The following SPAG16 variants were observed in gnomAD, a reference collection of about 807,000 sequenced individuals.
The protein encoded by SPAG16 is sperm-associated antigen 16 protein.
SPAG16 carries 86 observed loss-of-function variants against 80.4 expected under a neutral mutation model. The observed-to-expected ratio is 1.07, with a 90% CI of 0.90 to 1.28. SPAG16 has a LOEUF of 1.28. SPAG16 is among the 50% of genes most tolerant of loss of function. The probability of loss-of-function intolerance (pLI) is 0.00; values close to 1 mark genes in which losing one functional copy is unlikely to be tolerated. For synonymous variants in SPAG16, 294 were observed against 265.9 expected, an observed-to-expected ratio of 1.11 and a Z score of -1.03; for missense variants, 870 against 765.3, an observed-to-expected ratio of 1.14 and a Z score of -1.61.
intron 15 of SPAG16, among the ~76,000 whole-genome samples, chr2:214,286,251 C>T (rs1010795542): frequency 3.3e-5 from 5 of 152,144 alleles, no homozygotes; most frequent in Admixed American, 1.3e-4. Context: ...GGAGATCTAA[C>T]GTACAACAAT....
chr2:213,930,389 A>C (rs2106246848), intron 12 of SPAG16, among the ~76,000 whole-genome samples: 1 of 152,324 alleles, frequency 6.6e-6, no homozygotes, highest in South Asian at 2.1e-4. Context: ...CTATGTAATA[A>C]GATTAGAATT....
intron 10 of SPAG16, among the ~76,000 whole-genome samples, chr2:213,775,580 T>G (rs1035067272): frequency 1.3e-5 from 2 of 152,218 alleles, no homozygotes; most frequent in African/African-American, 4.8e-5. Context: ...TCAGGACTTA[T>G]TCATCTTACA....
chr2:213,436,000 G>A (rs7588433), intron 9 of SPAG16, among the ~76,000 whole-genome samples: 13,868 of 152,046 alleles, frequency 0.091, 1,613 homozygotes, highest in African/African-American at 0.27. Flanking sequence ...ATATTACTTA[G>A]ATGTCTTTTA....
intron 12 of SPAG16, among the ~76,000 whole-genome samples, chr2:213,980,632 T>C (rs1242808772): frequency 1.4e-5 from 2 of 144,304 alleles, no homozygotes; most frequent in Non-Finnish European, 3.0e-5. Context: ...ATAGAATATA[T>C]GTGTGTATAT....
intron 10 of SPAG16, among the ~76,000 whole-genome samples, chr2:213,579,680 G>A (rs573379166): frequency 5.9e-5 from 9 of 151,798 alleles, no homozygotes; most frequent in South Asian, 2.1e-4. Flanking sequence ...AATCAATTTC[G>A]ATGTCCCTTT....
At chr2:213,500,429 A>T (rs1028772286) in intron 10 of SPAG16, among the ~76,000 whole-genome samples, 1 of 152,218 alleles carries the variant, frequency 6.6e-6, no homozygotes, top group Non-Finnish European at 1.5e-5. Flanking sequence ...CATATCGCTA[A>T]AACTTGCAAC....
intron 9 of SPAG16, among the ~76,000 whole-genome samples, chr2:213,414,195 A>G (rs2069132145): frequency 6.6e-6 from 1 of 152,192 alleles, no homozygotes; most frequent in African/African-American, 2.4e-5. Context: ...TCAATTAACT[A>G]CACCTCCTGC....
intron 9 of SPAG16, among the ~76,000 whole-genome samples, chr2:213,486,395 A>C (rs558932425): frequency 6.0e-4 from 92 of 152,262 alleles, no homozygotes; most frequent in Admixed American, 6.0e-3. Context: ...TTATTGCAGC[A>C]CTATTCATAA....
chr2:213,624,678 C>T (rs768292519), intron 10 of SPAG16, among the ~76,000 whole-genome samples: 3 of 152,156 alleles, frequency 2.0e-5, no homozygotes, highest in Non-Finnish European at 4.4e-5. Flanking sequence ...ACCACAATAC[C>T]TTGATGCAGT....
chr2:213,846,330 T>C (rs1458785965), intron 10 of SPAG16, among the ~76,000 whole-genome samples: 1 of 151,964 alleles, frequency 6.6e-6, no homozygotes, highest in Non-Finnish European at 1.5e-5. Flanking sequence ...TATATACATG[T>C]GTATGTATAT....
intron 10 of SPAG16, among the ~76,000 whole-genome samples, chr2:213,703,712 C>T (rs1375866631): frequency 2.6e-5 from 4 of 152,216 alleles, no homozygotes; most frequent in Non-Finnish European, 5.9e-5. Context: ...ATGCTCTCCT[C>T]AGAGTAACCT....
In SPAG16 at chr2:214,398,173, T is replaced by G. The variant is rs76150970; in HGVS notation, c.1721-11967T>G. 3.8e-3 allele frequency among the ~76,000 whole-genome samples: 574 copies of G among 152,312 alleles called. 8 individuals are homozygous for G. The highest frequency in any genetic ancestry group is 0.013 in the African/African-American group (561 of 41,562). ...TGGATTTACACTGCTGGAATCAGAA[T>G]ATAGAGACAATGAAAGAAGGCATCC... On this transcript the variant is annotated intron_variant, in intron 15 of 15. Coordinates refer to ENST00000331683, the MANE Select transcript of SPAG16 (RefSeq NM_024532.5).
At chr2:213,597,233 C>A (rs2060913871) in intron 10 of SPAG16, among the ~76,000 whole-genome samples, 1 of 152,104 alleles carries the variant, frequency 6.6e-6, no homozygotes. Context: ...TAATTCAACA[C>A]ATATTTACTA....
intron 10 of SPAG16, among the ~76,000 whole-genome samples, chr2:213,561,501 G>A (rs1408696856): frequency 6.6e-6 from 1 of 152,026 alleles, no homozygotes; most frequent in Non-Finnish European, 1.5e-5. Context: ...ATCACTCATT[G>A]TATGCCTGTA....
At chr2:213,581,054 C>G (rs1393732327) in intron 10 of SPAG16, among the ~76,000 whole-genome samples, 1 of 151,930 alleles carries the variant, frequency 6.6e-6, no homozygotes, top group Admixed American at 6.6e-5. Context: ...TAAAATAGTA[C>G]CCAGTCTTAC....
At chr2:213,303,360 TG>T (rs1322360410) in intron 3 of SPAG16, among the ~76,000 whole-genome samples, 2 of 151,990 alleles carry the variant, frequency 1.3e-5, no homozygotes, top group African/African-American at 2.4e-5. Flanking sequence ...ACAGGGTAAA[TG>T]GGGTTCTATC....
At chr2:213,313,757 A>G (rs1285652284) in intron 4 of SPAG16, among the ~76,000 whole-genome samples, 4 of 151,886 alleles carry the variant, frequency 2.6e-5, no homozygotes. Flanking sequence ...CCAGTAATAA[A>G]CATGTCAGCC....
intron 15 of SPAG16, among the ~76,000 whole-genome samples, chr2:214,272,762 G>A (rs1692130910): frequency 6.6e-6 from 1 of 152,176 alleles, no homozygotes; most frequent in African/African-American, 2.4e-5. Context: ...ACGTGTGCAT[G>A]TGTCTTTACA....
chr2:213,860,346 T>TACACACACAC (rs1461149926), intron 10 of SPAG16, among the ~76,000 whole-genome samples: 2 of 48,918 alleles, frequency 4.1e-5, no homozygotes, highest in Admixed American at 2.6e-4. Flanking sequence ...TTTACAGATA[T>TACACACACAC]ATATATATAT....
Sources: gnomAD v4.1 joint callset for allele counts (sites outside exome capture counted in the v4.1 genomes callset) on GRCh38, gnomAD v4.1.1 for gene constraint, MANE v1.5 for transcripts, NCBI Gene and HGNC (gene_info 2026-07-23, HGNC 2026-07-21) for gene names.